SVEP1: variants seen among roughly 807,000 people sequenced by gnomAD.
SVEP1 encodes the protein sushi, von Willebrand factor type A, EGF and pentraxin domain containing 1.
A neutral mutation model predicts 367.3 loss-of-function variants in SVEP1; 164 were observed. The ratio of observed to expected loss-of-function variants is 0.45; its 90% CI spans 0.39 to 0.51. The LOEUF is 0.51. SVEP1 is among the 20% of genes least tolerant of loss of function. SVEP1 has a pLI of 0.00. For synonymous variants in SVEP1, 1,666 were observed against 1,611.6 expected, an observed-to-expected ratio of 1.03 and a Z score of -0.81; for missense variants, 4,117 against 4,425.3, an observed-to-expected ratio of 0.93 and a Z score of 1.98.
At chr9:110,563,044 T>A (rs1311640242) in intron 1 of SVEP1, among the ~76,000 whole-genome samples, 1 of 152,128 alleles carries the variant, frequency 6.6e-6, no homozygotes, top group East Asian at 1.9e-4. Context: ...ATGTTTCAGA[T>A]GAAAGAGAAT....
At position 110,432,480 on chromosome 9, in the gene SVEP1, C is replaced by T. The variant is rs778603531; in HGVS notation, c.5215G>A (p.Val1739Ile). Residue 1739 changes from valine to isoleucine, a missense_variant, in exon 31 of 48, where the codon GTT (valine) becomes ATT (isoleucine). Physicochemically the swap from Val to Ile is conservative, Grantham distance 29. Around this residue, in one of 4 missense-constraint regions of SVEP1, gnomAD observed 2,174 missense variants for 2,494.3 expected, o/e 0.87. Transcript: ENST00000374469. The part of the protein sequence containing the change: ...FCTDNGSWNG[V>I]SPSCLDVDEC... ...ATCTCACCAAGGCAGGATGGTGAAACGCCGTTCCAGCTCCCATTATCTGTA... is the reference window on the plus strand; with the variant it reads ...ATCTCACCAAGGCAGGATGGTGAAATGCCGTTCCAGCTCCCATTATCTGTA... 6.2e-6 allele frequency: 10 copies of T among 1,612,650 alleles called. No individual in the cohort carries two copies. The highest frequency in any genetic ancestry group is 5.3e-5 in the African/African-American group (4 of 74,964).
intron 1 of SVEP1, among the ~76,000 whole-genome samples, chr9:110,556,477 A>T (rs1000829756): frequency 6.6e-6 from 1 of 152,014 alleles, no homozygotes; most frequent in Non-Finnish European, 1.5e-5. Context: ...GACGCTAATA[A>T]AGTCTTTTTT....
At position 110,375,465 on chromosome 9, in the gene SVEP1, T is replaced by TA. The variant is rs71373993; in HGVS notation, c.10505-3dup. ...TCAGACAGGGAAGAATGCAGATTGCTAAAAAAAAAAAAAAAAAAAAAAAAA... is the reference window on the plus strand; with the variant it reads ...TCAGACAGGGAAGAATGCAGATTGCTAAAAAAAAAAAAAAAAAAAAAAAAAA... On this transcript the variant is annotated splice_region_variant and splice_polypyrimidine_tract_variant and intron_variant, in intron 45 of 47. Coordinates refer to ENST00000374469, the MANE Select transcript of SVEP1 (RefSeq NM_153366.4). 41,575 of 550,046 alleles carry TA rather than the reference T, an allele frequency of 0.076. 1,338 individuals carry two copies. The highest frequency in any genetic ancestry group is 0.091 in the East Asian group (2,331 of 25,510). The allele number at this position is 550,046 out of a possible 1,614,324, so 34.1% of individuals were successfully genotyped here.
At chr9:110,392,735 A>AT (rs150713916) in intron 40 of SVEP1, among the ~76,000 whole-genome samples, 4 of 151,934 alleles carry the variant, frequency 2.6e-5, no homozygotes, top group East Asian at 1.9e-4. Context: ...AGAGATTCTA[A>AT]TTTTTTTAAA....
At chr9:110,379,594 AT>A (rs2118951450) in intron 43 of SVEP1, 77 bp from the exon 44 acceptor site, 1 of 1,432,434 alleles carries the variant, frequency 7.0e-7, no homozygotes, top group East Asian at 2.3e-5. Flanking sequence ...CTCAGAATGA[AT>A]TAAAGAGCAA....
chr9:110,539,929 G>A (rs924341715), intron 3 of SVEP1, among the ~76,000 whole-genome samples: 10 of 152,020 alleles, frequency 6.6e-5, no homozygotes, highest in Admixed American at 2.0e-4. Context: ...CAGAAAACTC[G>A]AGCTCATATC....
chr9:110,512,412 A>T (rs958321017), intron 5 of SVEP1, among the ~76,000 whole-genome samples: 2 of 151,650 alleles, frequency 1.3e-5, no homozygotes, highest in African/African-American at 4.8e-5. Flanking sequence ...GGAGCCTCAG[A>T]TTCCATTGGT....
intron 3 of SVEP1, among the ~76,000 whole-genome samples, chr9:110,520,299 GC>G (rs1829860937): frequency 6.6e-6 from 1 of 151,944 alleles, no homozygotes; most frequent in Non-Finnish European, 1.5e-5. Flanking sequence ...CCCAAACCAA[GC>G]AAAAGTTGAA....
At chr9:110,567,085 C>G (rs1468867549) in intron 1 of SVEP1, among the ~76,000 whole-genome samples, 9 of 152,296 alleles carry the variant, frequency 5.9e-5, no homozygotes, top group African/African-American at 2.2e-4. Context: ...CAGAAACATT[C>G]AGGAAAACAC....
At chr9:110,475,401 CAG>C (rs1416806209) in intron 14 of SVEP1, among the ~76,000 whole-genome samples, 2 of 152,194 alleles carry the variant, frequency 1.3e-5, no homozygotes, top group Non-Finnish European at 2.9e-5. Flanking sequence ...AACTGAGGCA[CAG>C]AGTGTGTTGA....
At position 110,455,989 on chromosome 9, in the gene SVEP1, T is replaced by C. The variant is rs549421345; in HGVS notation, c.3674-286A>G. ...AAGCATAAAATGGAGCCAGGAATTA[T>C]GCTAATTTCAAAGTGAAAGTTACAA... is the stretch of plus-strand genomic sequence containing the variant. On this transcript the variant is annotated intron_variant, in intron 21 of 47. Transcript: ENST00000374469. 1.6e-4 allele frequency among the ~76,000 whole-genome samples: 25 copies of C among 152,334 alleles called. No homozygotes were observed. In the South Asian group the frequency reaches 5.0e-3, roughly 30 times the overall value.
intron 1 of SVEP1, among the ~76,000 whole-genome samples, chr9:110,562,876 G>A (rs985382927): frequency 6.6e-6 from 1 of 152,036 alleles, no homozygotes. Flanking sequence ...ATTTTTAGTA[G>A]AGATGGGGTT....
At chr9:110,415,352 A>G (rs1828102941) in intron 36 of SVEP1, among the ~76,000 whole-genome samples, 1 of 152,074 alleles carries the variant, frequency 6.6e-6, no homozygotes, top group African/African-American at 2.4e-5. Context: ...GTGTGTATGT[A>G]CACATGGTAA....
intron 26 of SVEP1, among the ~76,000 whole-genome samples, chr9:110,444,779 T>C (rs1289228414): frequency 6.6e-6 from 1 of 152,228 alleles, no homozygotes; most frequent in African/African-American, 2.4e-5. Flanking sequence ...GCAATATTAA[T>C]GGTTTCCTTT....
At position 110,546,167 on chromosome 9, in the gene SVEP1, C is replaced by T; in HGVS notation, c.912G>A (p.Glu304=). The T allele has an allele frequency of 6.4e-7, 1 of 1,556,156 alleles. No homozygotes were observed. The highest frequency in any genetic ancestry group is 1.4e-5 in the African/African-American group (1 of 73,410). ...CKCGTHTGHF[E]CICEKGYYGK... is the part of the protein sequence containing the mutation. ...CGTAATACCCCTTTTCACAGATGCACTCAAAATGGCCTGTGTGTGTCCCAC... is the reference window on the plus strand; with the variant it reads ...CGTAATACCCCTTTTCACAGATGCATTCAAAATGGCCTGTGTGTGTCCCAC... Residue 304 remains glutamate (E), a synonymous_variant, in exon 3 of 48, where the codon GAG becomes GAA. Coordinates refer to ENST00000374469, the MANE Select transcript of SVEP1 (RefSeq NM_153366.4).
intron 36 of SVEP1, among the ~76,000 whole-genome samples, chr9:110,423,211 A>T (rs894776929): frequency 6.7e-6 from 1 of 150,294 alleles, no homozygotes; most frequent in Non-Finnish European, 1.5e-5. Flanking sequence ...TTGTCAATGT[A>T]GATTTGTATA....
At chr9:110,523,956 A>G (rs1829910038) in intron 3 of SVEP1, among the ~76,000 whole-genome samples, 1 of 152,110 alleles carries the variant, frequency 6.6e-6, no homozygotes, top group Admixed American at 6.6e-5. Flanking sequence ...AGAAAAAGAG[A>G]GAAGGCACAA....
At chr9:110,403,956 C>G (rs970028863) in intron 39 of SVEP1, among the ~76,000 whole-genome samples, 1 of 151,670 alleles carries the variant, frequency 6.6e-6, no homozygotes, top group Non-Finnish European at 1.5e-5. Flanking sequence ...GGATTTGACA[C>G]CAATTATCTG....
At chr9:110,495,286 G>A (rs187210897) in intron 8 of SVEP1, among the ~76,000 whole-genome samples, 6 of 152,094 alleles carry the variant, frequency 3.9e-5, no homozygotes, top group Non-Finnish European at 5.9e-5. Context: ...CTGTGAACAC[G>A]TTGCCTTACA....
Sources: allele counts gnomAD v4.1 joint callset (sites outside exome capture counted in the v4.1 genomes callset), GRCh38; gene constraint gnomAD v4.1.1; regional missense constraint gnomAD v4.1.1; transcripts MANE v1.5; gene names NCBI Gene and HGNC (gene_info 2026-07-23, HGNC 2026-07-21).